The following HLA-DQB2 variants were observed in gnomAD, a reference collection of about 807,000 sequenced individuals.
HLA-DQB2 encodes major histocompatibility complex, class II, DQ beta 2.
A neutral mutation model predicts 29.2 loss-of-function variants in HLA-DQB2; 24 were observed. The observed-to-expected ratio is 0.82, with a 90% CI of 0.60 to 1.16. The LOEUF is 1.16. Ranked by LOEUF, HLA-DQB2 falls within the 50% of genes most tolerant of loss-of-function variation. The pLI, the probability that HLA-DQB2 is intolerant of heterozygous loss-of-function variation, is 0.00. For missense variants in HLA-DQB2, 273 were observed against 343.6 expected, an observed-to-expected ratio of 0.79 and a Z score of 1.62; for synonymous variants, 104 against 133.1, an observed-to-expected ratio of 0.78 and a Z score of 1.51.
In HLA-DQB2 at chr6:32,761,664, C is replaced by T. The variant is rs752861484; in HGVS notation, c.360G>A (p.Arg120=). The T allele has an allele frequency of 1.9e-6, 3 of 1,547,466 alleles. No homozygotes were observed. Among genetic ancestry groups the T allele is most frequent in the Non-Finnish European group, 2.6e-6 (3 of 1,146,562 alleles). The stretch of plus-strand genomic sequence containing the variant: ...CGGAAGGACGACGACGCTCACCTTG[C>T]CGCTGCAAGGTCGTGCGCAGCTCCG... ...YEAELRTTLQ[R]QVEPTVTISP... is the part of the protein sequence containing the mutation. The change falls in exon 2 of 6, where the codon CGG becomes CGA. Residue 120 remains arginine (R), a synonymous_variant. Transcript: ENST00000437316.
chr6:32,760,069 GA>G (rs766024122), intron 2 of HLA-DQB2, among the ~76,000 whole-genome samples: 1 of 108,200 alleles, frequency 9.2e-6, no homozygotes, highest in East Asian at 2.7e-4. Flanking sequence ...AAATTCATGA[GA>G]AAAAAATGAT....
chr6:32,762,014 G>C, intron 1 of HLA-DQB2, 88 bp from the exon 2 acceptor site: 1 of 1,508,850 alleles, frequency 6.6e-7, no homozygotes. Flanking sequence ...CCGCTGCCCT[G>C]ACCCGGCCAG....
Position 32,758,833 on chromosome 6 carries a change from A to G in HLA-DQB2, c.646+17T>C. ...TCTTGTGGGGCCCACAGTAAAAGGA[A>G]ACCAGTTTCCCCTTACGCCACTCCA... is the stretch of plus-strand genomic sequence containing the variant. On this transcript the variant is annotated intron_variant, in intron 3 of 5. Transcript: ENST00000437316. The G allele has an allele frequency of 6.2e-7, 1 of 1,606,824 alleles. No homozygotes were observed. The highest frequency in any genetic ancestry group is 8.5e-7 in the Non-Finnish European group (1 of 1,175,056).
intron 1 of HLA-DQB2, 39 bp from the exon 2 acceptor site, chr6:32,761,965 G>A (rs1196910938): frequency 2.5e-6 from 4 of 1,576,500 alleles, no homozygotes; most frequent in East Asian, 2.4e-5. Flanking sequence ...GCCCCAGCAC[G>A]GCCCTAGCCC....
intron 3 of HLA-DQB2, among the ~76,000 whole-genome samples, chr6:32,758,105 A>G (rs532104529): frequency 6.6e-5 from 10 of 152,280 alleles, no homozygotes; most frequent in South Asian, 4.1e-4. Context: ...CTAAGGCCCC[A>G]GTCACCAGCC....
At chr6:32,757,988 C>T in intron 3 of HLA-DQB2, 105 bp from the exon 4 acceptor site, 4 of 1,081,980 alleles carry the variant, frequency 3.7e-6, no homozygotes, top group Non-Finnish European at 5.3e-6. Context: ...TCTGACCACC[C>T]TAGGGAAGAG....
At chr6:32,758,132 T>G (rs1306437786) in intron 3 of HLA-DQB2, among the ~76,000 whole-genome samples, 1 of 143,072 alleles carries the variant, frequency 7.0e-6, no homozygotes, top group Non-Finnish European at 1.6e-5. Flanking sequence ...CAGTCTCTCA[T>G]AGCTGTCAGA....
At chr6:32,757,241 T>C in intron 5 of HLA-DQB2, 40 bp downstream of exon 5, 3 of 1,550,252 alleles carry the variant, frequency 1.9e-6, no homozygotes, top group Non-Finnish European at 2.6e-6. Flanking sequence ...CTCTTATGCC[T>C]GTGCCCTCTC....
At position 32,757,295 on chromosome 6, in the gene HLA-DQB2, C is replaced by T; in HGVS notation, c.767G>A (p.Gly256Glu). Reference protein sequence around the residue: ...IRHRGQKGPRGPPPAGLLH With the variant: ...IRHRGQKGPREPPPAGLLH ...TGAAATATTACCTGCTGGTGGAGGC[C>T]CTCGAGGTCCTACAAAAGGAAGTTA... The change falls in exon 5 of 6, where the codon GGG (glycine) becomes GAG (glutamate). Residue 256 changes from glycine (G) to glutamate (E), a missense_variant. Physicochemically the swap from Gly to Glu is moderately conservative, Grantham distance 98. Transcript: ENST00000437316. The T allele has an allele frequency of 6.5e-7, 1 of 1,549,618 alleles. No homozygotes were observed. The highest frequency in any genetic ancestry group is 1.2e-5 in the South Asian group (1 of 84,018).
chr6:32,762,042 C>T (rs1289794122), intron 1 of HLA-DQB2, 116 bp from the exon 2 acceptor site: 1 of 1,393,604 alleles, frequency 7.2e-7, no homozygotes, highest in African/African-American at 1.5e-5. Flanking sequence ...GAAACCCGTC[C>T]ACGCGAAATT....
intron 3 of HLA-DQB2, 122 bp downstream of exon 3, chr6:32,758,728 T>A: frequency 1.7e-6 from 2 of 1,156,640 alleles, no homozygotes; most frequent in Non-Finnish European, 2.4e-6. Context: ...GGTGCTCTAG[T>A]CTCCTGTGAT....
chr6:32,763,442 CA>C lies in HLA-DQB2; in HGVS notation c.28del (p.Trp10GlyfsTer5). Reference protein sequence around the residue: MALQIPGGFWAAAVTVMLVM... With the variant: MALQIPGGFXAAAVTVMLVM... ...CAGCATCACGGTCACAGCTGCTGCC[CA>C]AAAGCCTCCAGGGATCTGCAGAGCC... On this transcript the variant is annotated frameshift_variant, in exon 1 of 6. Transcript: ENST00000437316. LOFTEE classifies it high-confidence loss of function. The C allele has an allele frequency of 6.4e-7, 1 of 1,560,804 alleles. No individual in the cohort carries two copies. The highest frequency in any genetic ancestry group is 1.9e-5 in the Admixed American group (1 of 52,040).
At chr6:32,763,130 C>T (rs960151063) in intron 1 of HLA-DQB2, among the ~76,000 whole-genome samples, 2 of 152,198 alleles carry the variant, frequency 1.3e-5, no homozygotes, top group African/African-American at 2.4e-5. Flanking sequence ...TGAATGCACA[C>T]TTTGTCTCCT....
In HLA-DQB2 at chr6:32,761,700, G is replaced by A. The variant is rs1300111405; in HGVS notation, c.324C>T (p.His108=). ...TCGTGCGCAGCTCCGCCTCGTAGTTGTGTCTGCACACCTTGTCCACCGCGG... is the reference window on the plus strand; with the variant it reads ...TCGTGCGCAGCTCCGCCTCGTAGTTATGTCTGCACACCTTGTCCACCGCGG... ...ERAAVDKVCR[H]NYEAELRTTL... The change falls in exon 2 of 6, where the codon CAC becomes CAT. Residue 108 remains histidine (H), a synonymous_variant. Transcript: ENST00000437316. The A allele has an allele frequency of 6.4e-7, 1 of 1,552,560 alleles. No homozygotes were observed. Among genetic ancestry groups the A allele is most frequent in the Non-Finnish European group, 8.7e-7 (1 of 1,147,998 alleles).
intron 2 of HLA-DQB2, among the ~76,000 whole-genome samples, chr6:32,759,961 C>T (rs1262603909): frequency 0.038 from 3,969 of 104,432 alleles, no homozygotes; most frequent in Middle Eastern, 0.1. Context: ...TTTCTTTAGG[C>T]CCTCCTTCCT....
intron 2 of HLA-DQB2, among the ~76,000 whole-genome samples, chr6:32,759,704 G>C (rs1764607562): frequency 6.6e-6 from 1 of 152,196 alleles, no homozygotes; most frequent in African/African-American, 2.4e-5. Context: ...ATTACTAGCT[G>C]CCTACCCTAC....
At chr6:32,756,535 C>G (rs3213488) in intron 5 of HLA-DQB2, 69 bp from the exon 6 acceptor site, 763,950 of 1,533,328 alleles carry the variant, frequency 0.5, 197,692 homozygotes, top group East Asian at 0.76. Context: ...CCCTAGTCCT[C>G]AGTTCCCTCT....
intron 2 of HLA-DQB2, 139 bp downstream of exon 2, chr6:32,761,521 T>C (rs1764806430): frequency 5.1e-6 from 5 of 971,936 alleles, no homozygotes; most frequent in South Asian, 1.7e-5. Context: ...TACCCCAGCC[T>C]CCAAATCCCC....
In HLA-DQB2 at chr6:32,763,437, C is replaced by T; in HGVS notation, c.34G>A (p.Ala12Thr). ...ATCACCAGCATCACGGTCACAGCTG[C>T]TGCCCAAAAGCCTCCAGGGATCTGC... ...ALQIPGGFWAAAVTVMLVMLS... is the reference protein window; with the variant it reads ...ALQIPGGFWATAVTVMLVMLS... The change falls in exon 1 of 6, where the codon GCA becomes ACA. Residue 12 changes from alanine to threonine, a missense_variant. By Grantham distance (58) the Ala-to-Thr change is moderately conservative. Transcript: ENST00000437316. 3.2e-6 allele frequency: 5 copies of T among 1,562,282 alleles called. No homozygotes were observed. In the South Asian group the frequency reaches 4.7e-5, roughly 15 times the overall value.
Sources: allele counts gnomAD v4.1 joint callset (sites outside exome capture counted in the v4.1 genomes callset), GRCh38; gene constraint gnomAD v4.1.1; transcripts MANE v1.5; gene names NCBI Gene and HGNC (gene_info 2026-07-23, HGNC 2026-07-21).